MAPK10: variants seen among roughly 807,000 people sequenced by gnomAD.
MAPK10 encodes the protein JNK3 alpha protein kinase.
Under a neutral mutation model 59.3 loss-of-function variants are expected in MAPK10, and 25 were observed. The ratio of observed to expected loss-of-function variants is 0.42; its 90% CI spans 0.31 to 0.59. The LOEUF is 0.59. Among genes scored for constraint, MAPK10 ranks in the 20% least tolerant of loss-of-function variants. The pLI is 0.15. For synonymous variants in MAPK10, 190 were observed against 200.5 expected (o/e 0.95, Z 0.44); for missense variants, 351 against 568.9 (o/e 0.62, Z 3.90).
chr4:86,530,314 C>G (rs143366846), intron 1 of MAPK10, among the ~76,000 whole-genome samples: 1,954 of 152,150 alleles, frequency 0.013, 11 homozygotes, highest in African/African-American at 0.015. Context: ...TTTTGTAGTT[C>G]CAACACTTAG....
In MAPK10 at chr4:86,211,582, G is replaced by C. The variant is rs190577490; in HGVS notation, c.-6-17175C>G. ...TGCTTTGCAAGAAATGCTAAATAAA[G>C]TCATTCGGGTTAAAATGAAAGGACA... On this transcript the variant is annotated intron_variant, in intron 2 of 13. Coordinates refer to ENST00000641462, the MANE Select transcript of MAPK10 (RefSeq NM_138982.4). Among the ~76,000 whole-genome samples, 18 of 152,156 alleles carry C rather than the reference G, an allele frequency of 1.2e-4. No homozygotes were observed. In the East Asian group the frequency reaches 3.3e-3, roughly 28 times the overall value.
At chr4:86,545,633 C>T (rs1045799177) in intron 1 of MAPK10, among the ~76,000 whole-genome samples, 1 of 151,974 alleles carries the variant, frequency 6.6e-6, no homozygotes, top group African/African-American at 2.4e-5. Context: ...GGTGGGACAT[C>T]GGGGAGAGGG....
chr4:86,084,516 A>G (rs1368603311), intron 9 of MAPK10, among the ~76,000 whole-genome samples: 1 of 152,244 alleles, frequency 6.6e-6, no homozygotes, highest in Non-Finnish European at 1.5e-5. Context: ...TACAAATAAA[A>G]TAAAATACCT....
chr4:86,589,337 A>G lies in MAPK10; in HGVS notation c.-263+4573T>C, dbSNP rs74760079. Among the ~76,000 whole-genome samples the G allele has an allele frequency of 3.6e-3, 544 of 152,250 alleles. 5 individuals carry two copies. The highest frequency in any genetic ancestry group is 0.012 in the African/African-American group (508 of 41,570). ...CAAACTTTCCGTCTTTGTTAGGATGACTGGAACTTGTACCACTTATCTGGA... is the reference window on the plus strand; with the variant it reads ...CAAACTTTCCGTCTTTGTTAGGATGGCTGGAACTTGTACCACTTATCTGGA... On this transcript the variant is annotated intron_variant, in intron 1 of 4. Transcript: ENST00000502302.
Position 86,013,703 on chromosome 4 carries a change from T to A in MAPK10, c.*3525A>T, listed in dbSNP as rs977412395. 1.3e-5 allele frequency: 2 copies of A among 152,196 alleles called. No homozygotes were observed. Among genetic ancestry groups the A allele is most frequent in the Non-Finnish European group, 2.9e-5 (2 of 68,032 alleles). 9.4% of individuals were successfully genotyped at this position (152,196 alleles called of 1,614,324 possible). A position where few individuals can be genotyped will look rare whatever the true frequency, so the allele number is the denominator to read the frequency against. Reference sequence around the variant, plus strand: ...ACTTTCAGTTTTACCAGTCAGCTGCTATCAGTGTCTTTAGATAATATTTTT... The same window carrying A: ...ACTTTCAGTTTTACCAGTCAGCTGCAATCAGTGTCTTTAGATAATATTTTT... On this transcript the variant is annotated 3_prime_UTR_variant, in exon 14 of 14. Transcript: ENST00000641462.
Position 86,014,701 on chromosome 4 carries a change from G to C in MAPK10, c.*2527C>G, listed in dbSNP as rs1322919280. ...TGAGCTTTGGGAAGGTACTAACAGCGGGGGAGGGGCCCTGTCTAGTTCTTG... is the reference window on the plus strand; with the variant it reads ...TGAGCTTTGGGAAGGTACTAACAGCCGGGGAGGGGCCCTGTCTAGTTCTTG... On this transcript the variant is annotated 3_prime_UTR_variant, in exon 14 of 14. Transcript: ENST00000641462. The C allele has an allele frequency of 6.6e-6, 1 of 152,202 alleles. No individual in the cohort carries two copies. Among genetic ancestry groups the C allele is most frequent in the Non-Finnish European group, 1.5e-5 (1 of 68,088 alleles). The allele number at this position is 152,202 out of a possible 1,614,324, so 9.4% of individuals were successfully genotyped here. A position where few individuals can be genotyped will look rare whatever the true frequency, so the allele number is the denominator to read the frequency against.
Position 86,017,081 on chromosome 4 carries a change from T to C in MAPK10, c.*147A>G, listed in dbSNP as rs1743607626. On this transcript the variant is annotated 3_prime_UTR_variant, in exon 14 of 14. Coordinates refer to ENST00000641462, the MANE Select transcript of MAPK10 (RefSeq NM_138982.4). The surrounding 1 kb of genome is among the most constrained non-coding windows in gnomAD (Gnocchi z 4.4). ...CCTGGGGAAGAAGCAGGCTGAAAGA[T>C]TTATTTAATTTTAGGCTTGGATTCT... is the stretch of plus-strand genomic sequence containing the variant. 3 of 860,032 alleles carry C rather than the reference T, an allele frequency of 3.5e-6. No homozygotes were observed. The highest frequency in any genetic ancestry group is 1.7e-5 in the African/African-American group (1 of 59,062). 53.3% of individuals were successfully genotyped at this position (860,032 alleles called of 1,614,324 possible).
At chr4:86,178,650 A>G (rs980223420) in intron 3 of MAPK10, among the ~76,000 whole-genome samples, 2 of 152,164 alleles carry the variant, frequency 1.3e-5, no homozygotes, top group Non-Finnish European at 2.9e-5. Flanking sequence ...TCTTTCCACT[A>G]TTATTCAACA....
intron 9 of MAPK10, chr4:86,081,901 C>T (rs773594541): frequency 4.0e-5 from 6 of 151,186 alleles, no homozygotes; most frequent in Non-Finnish European, 5.9e-5. Flanking sequence ...CAGTAAAATC[C>T]GTATATATTC....
chr4:86,461,266 G>A (rs920531061), intron 1 of MAPK10, among the ~76,000 whole-genome samples: 2 of 152,202 alleles, frequency 1.3e-5, no homozygotes, highest in African/African-American at 2.4e-5. Context: ...TACATTTGAG[G>A]AGGACAGAAG....
chr4:86,212,910 C>T (rs1388426950), intron 2 of MAPK10, among the ~76,000 whole-genome samples: 2 of 152,118 alleles, frequency 1.3e-5, no homozygotes, highest in South Asian at 4.1e-4. Context: ...ACAGAACCGT[C>T]TTCCTCAAAA....
chr4:86,485,821 C>T (rs975326793), intron 1 of MAPK10, among the ~76,000 whole-genome samples: 1 of 152,154 alleles, frequency 6.6e-6, no homozygotes, highest in Non-Finnish European at 1.5e-5. Context: ...GAGAAAAAGA[C>T]AACAGAGTTC....
intron 5 of MAPK10, among the ~76,000 whole-genome samples, chr4:86,104,540 A>G (rs964790800): frequency 3.3e-5 from 5 of 152,116 alleles, no homozygotes; most frequent in Admixed American, 3.3e-4. Flanking sequence ...TATCAATCTC[A>G]TAAAGTAATT....
chr4:86,542,445 T>C (rs1373374004), intron 1 of MAPK10: 3 of 152,614 alleles, frequency 2.0e-5, no homozygotes, highest in African/African-American at 4.8e-5. Flanking sequence ...CACAGTGGTG[T>C]GTACCTGTAG....
At chr4:86,310,739 G>A (rs1324298177) in intron 2 of MAPK10, among the ~76,000 whole-genome samples, 1 of 152,062 alleles carries the variant, frequency 6.6e-6, no homozygotes, top group Non-Finnish European at 1.5e-5. Context: ...CACTATTTAT[G>A]ATGGCTTGCT....
upstream of MAPK10, chr4:86,458,100 C>A (rs1751397548): frequency 6.6e-6 from 1 of 152,078 alleles, no homozygotes. Context: ...GAGTTCAGGA[C>A]CAGCCTGGCC....
chr4:86,277,328 G>T (rs1046779155), intron 2 of MAPK10: 1 of 151,930 alleles, frequency 6.6e-6, no homozygotes, highest in Non-Finnish European at 1.5e-5. Context: ...TTACCCACTG[G>T]GGGGAAGAAA....
At chr4:86,222,594 T>C (rs1235045408) in intron 2 of MAPK10, among the ~76,000 whole-genome samples, 1 of 152,216 alleles carries the variant, frequency 6.6e-6, no homozygotes, top group African/African-American at 2.4e-5. Context: ...GACTTCATAA[T>C]ACAGTACAGC....
At chr4:86,284,431 A>T (rs533794798) in intron 2 of MAPK10, among the ~76,000 whole-genome samples, 1 of 152,234 alleles carries the variant, frequency 6.6e-6, no homozygotes, top group South Asian at 2.1e-4. Flanking sequence ...AACGACTTCC[A>T]TTCTATGGTT....
Sources: allele counts gnomAD v4.1 joint callset (sites outside exome capture counted in the v4.1 genomes callset), GRCh38; gene constraint gnomAD v4.1.1; non-coding constraint Gnocchi (gnomAD v3.1); transcripts MANE v1.5; gene names NCBI Gene and HGNC (gene_info 2026-07-23, HGNC 2026-07-21).